The following CHN2 variants were observed in gnomAD, a reference collection of about 807,000 sequenced individuals.
CHN2 encodes the protein chimerin 2.
In CHN2, 35 loss-of-function variants were observed where a neutral mutation model predicts 56.3. That is an observed-to-expected ratio of 0.62 (90% CI 0.47 to 0.82). CHN2 has a LOEUF of 0.82. CHN2 is among the 40% of genes least tolerant of loss of function. The probability of loss-of-function intolerance (pLI) is 0.00; values close to 1 mark genes in which losing one functional copy is unlikely to be tolerated. For missense variants in CHN2, 491 were observed against 580.5 expected, an observed-to-expected ratio of 0.85 and a Z score of 1.58; for synonymous variants, 210 against 212.8, an observed-to-expected ratio of 0.99 and a Z score of 0.12.
chr7:29,323,369 A>G (rs1482401176), intron 1 of CHN2, among the ~76,000 whole-genome samples: 4 of 151,944 alleles, frequency 2.6e-5, no homozygotes, highest in African/African-American at 9.7e-5. Context: ...ACGTATTCCA[A>G]TCCCAGAACT....
At chr7:29,173,025 G>A (rs536056644) in intron 2 of CHN2, among the ~76,000 whole-genome samples, 16 of 151,982 alleles carry the variant, frequency 1.1e-4, no homozygotes, top group Admixed American at 2.6e-4. Flanking sequence ...CAGCCACTCA[G>A]GAGCCTGGGG....
chr7:29,311,255 C>T (rs767685644), intron 1 of CHN2, among the ~76,000 whole-genome samples: 1 of 152,128 alleles, frequency 6.6e-6, no homozygotes, highest in Non-Finnish European at 1.5e-5. Context: ...TTCCTGTCAC[C>T]GACAACCTGG....
intron 6 of CHN2, among the ~76,000 whole-genome samples, chr7:29,446,399 A>AT (rs1272059838): frequency 6.6e-6 from 1 of 152,196 alleles, no homozygotes; most frequent in African/African-American, 2.4e-5. Flanking sequence ...TATGCCTTAG[A>AT]TCCCTATGTG....
At chr7:29,292,517 A>G (rs1792717100) in intron 1 of CHN2, among the ~76,000 whole-genome samples, 1 of 152,282 alleles carries the variant, frequency 6.6e-6, no homozygotes, top group Non-Finnish European at 1.5e-5. Context: ...GCATATTGGA[A>G]CAGACACAGA....
At chr7:29,252,289 C>T (rs1192614217) in intron 1 of CHN2, among the ~76,000 whole-genome samples, 3 of 149,106 alleles carry the variant, frequency 2.0e-5, no homozygotes, top group Non-Finnish European at 3.0e-5. Flanking sequence ...TCCAGGTTCA[C>T]GAGATTCTTC....
chr7:29,183,914 TA>T (rs1584619477), intron 2 of CHN2, among the ~76,000 whole-genome samples: 3 of 151,918 alleles, frequency 2.0e-5, no homozygotes, highest in African/African-American at 2.4e-5. Context: ...ATGATACAAA[TA>T]AAAAACAATG....
chr7:29,441,404 G>T (rs911203435), intron 6 of CHN2, among the ~76,000 whole-genome samples: 1 of 152,290 alleles, frequency 6.6e-6, no homozygotes, highest in East Asian at 1.9e-4. Context: ...CTTGGATGTG[G>T]CAATGGATTC....
intron 1 of CHN2, among the ~76,000 whole-genome samples, chr7:29,307,384 A>C (rs1475293790): frequency 6.6e-6 from 1 of 152,250 alleles, no homozygotes; most frequent in Non-Finnish European, 1.5e-5. Context: ...TGATTAGTCA[A>C]CATCAATTTA....
At chr7:29,415,275 G>A (rs1250549128) in intron 6 of CHN2, among the ~76,000 whole-genome samples, 1 of 152,194 alleles carries the variant, frequency 6.6e-6, no homozygotes, top group African/African-American at 2.4e-5. Context: ...GGGCCACCTG[G>A]CTGGCACTTG....
At chr7:29,280,657 G>A (rs569751450) in intron 1 of CHN2, among the ~76,000 whole-genome samples, 1 of 152,332 alleles carries the variant, frequency 6.6e-6, no homozygotes, top group East Asian at 1.9e-4. Flanking sequence ...CAGCTGAACA[G>A]AGAAGGCAGA....
At chr7:29,237,334 C>T (rs1246075841) in intron 1 of CHN2, among the ~76,000 whole-genome samples, 3 of 148,580 alleles carry the variant, frequency 2.0e-5, no homozygotes, top group Non-Finnish European at 3.0e-5. Context: ...GTAAATTCCT[C>T]ATCAGATTCC....
intron 1 of CHN2, among the ~76,000 whole-genome samples, chr7:29,289,487 C>T (rs751885064): frequency 1.3e-4 from 20 of 152,070 alleles, no homozygotes; most frequent in Non-Finnish European, 2.1e-4. Context: ...AGTAAGCCGA[C>T]GGGAGAGGGA....
At chr7:29,273,326 C>CATATATATATATATGTGTATATATAT (rs1216887954) in intron 1 of CHN2, among the ~76,000 whole-genome samples, 2 of 79,784 alleles carry the variant, frequency 2.5e-5, no homozygotes, top group Non-Finnish European at 2.5e-5. Context: ...TTCCATCATG[C>CATATATATATATATGTGTATATATAT]ATATATATAT....
At chr7:29,382,524 C>T (rs779377425) in intron 3 of CHN2, among the ~76,000 whole-genome samples, 6 of 152,202 alleles carry the variant, frequency 3.9e-5, no homozygotes, top group Non-Finnish European at 8.8e-5. Context: ...GATCTGGGAG[C>T]ATAAGCAAAC....
intron 2 of CHN2, among the ~76,000 whole-genome samples, chr7:29,364,167 G>A (rs531906764): frequency 1.3e-5 from 2 of 152,314 alleles, no homozygotes; most frequent in African/African-American, 4.8e-5. Context: ...TTCTTAAGAA[G>A]ATTCAATACA....
chr7:29,213,304 C>T lies in CHN2; in HGVS notation c.49+18314C>T, dbSNP rs1785095304. 11 of 757,468 alleles carry T rather than the reference C, an allele frequency of 1.5e-5. No individual in the cohort carries two copies. In the Admixed American group the frequency reaches 1.9e-4, roughly 13 times the overall value. The allele number at this position is 757,468 out of a possible 1,614,324, so 46.9% of individuals were successfully genotyped here. ...TCCTCCCCTCCCTGATAGGATTTTT[C>T]TTGTATGGAAACCATGTGTTCTGGC... On this transcript the variant is annotated intron_variant, in intron 1 of 12. Transcript: ENST00000222792.
At chr7:29,177,018 A>C (rs1797435393) in intron 2 of CHN2, among the ~76,000 whole-genome samples, 1 of 152,044 alleles carries the variant, frequency 6.6e-6, no homozygotes, top group Admixed American at 6.5e-5. Context: ...AAAAGAAAGC[A>C]AGAAAGAGAG....
intron 3 of CHN2, among the ~76,000 whole-genome samples, chr7:29,377,260 G>A (rs898314073): frequency 6.6e-6 from 1 of 152,140 alleles, no homozygotes. Context: ...CTTACATCAG[G>A]TGATCCATCT....
intron 2 of CHN2, among the ~76,000 whole-genome samples, chr7:29,152,828 G>A (rs529786349): frequency 6.6e-6 from 1 of 152,274 alleles, no homozygotes; most frequent in South Asian, 2.1e-4. Context: ...AAATACACTC[G>A]ATCCTTGTTA....
Sources: allele counts gnomAD v4.1 joint callset (sites outside exome capture counted in the v4.1 genomes callset), GRCh38; gene constraint gnomAD v4.1.1; transcripts MANE v1.5; gene names NCBI Gene and HGNC (gene_info 2026-07-23, HGNC 2026-07-21).